PLCB1: variants seen among roughly 807,000 people sequenced by gnomAD.
PLCB1 encodes the protein phospholipase C beta 1, also known as 1-phosphatidylinositol 4,5-bisphosphate phosphodiesterase beta-1.
A neutral mutation model predicts 161.8 loss-of-function variants in PLCB1; 46 were observed. The ratio of observed to expected loss-of-function variants is 0.28; its 90% CI spans 0.22 to 0.36. PLCB1 has a LOEUF of 0.36. Among genes scored for constraint, PLCB1 ranks in the 10% least tolerant of loss-of-function variants. The probability of loss-of-function intolerance (pLI) is 1.00; values close to 1 mark genes in which losing one functional copy is unlikely to be tolerated. For missense variants in PLCB1, 1,016 were observed against 1,472.5 expected, an observed-to-expected ratio of 0.69 and a Z score of 5.07; for synonymous variants, 517 against 503.7, an observed-to-expected ratio of 1.03 and a Z score of -0.35.
intron 3 of PLCB1, among the ~76,000 whole-genome samples, chr20:8,400,458 AT>A (rs1358533186): frequency 6.6e-6 from 1 of 152,116 alleles, no homozygotes; most frequent in African/African-American, 2.4e-5. Context: ...AATTGTTTTT[AT>A]TTTTTGAAAT....
chr20:8,157,202 C>T (rs952714440), intron 2 of PLCB1, among the ~76,000 whole-genome samples: 16 of 152,178 alleles, frequency 1.1e-4, no homozygotes, highest in Admixed American at 2.0e-4. Context: ...AATAGTCCAT[C>T]ATAGGTGAAA....
intron 3 of PLCB1, among the ~76,000 whole-genome samples, chr20:8,489,464 G>A (rs73899110): frequency 0.039 from 5,993 of 152,200 alleles, 351 homozygotes; most frequent in African/African-American, 0.13. Context: ...CTGTCTTTAT[G>A]TAACTGCTCA....
chr20:8,762,839 A>G (rs1023528242), intron 25 of PLCB1, among the ~76,000 whole-genome samples: 2 of 152,234 alleles, frequency 1.3e-5, no homozygotes, highest in African/African-American at 4.8e-5. Flanking sequence ...CTCAATGTTT[A>G]TTCACTAGAC....
intron 2 of PLCB1, among the ~76,000 whole-genome samples, chr20:8,346,598 G>A (rs1336266468): frequency 6.6e-6 from 1 of 152,108 alleles, no homozygotes; most frequent in Admixed American, 6.5e-5. Flanking sequence ...GTATTTTGTT[G>A]TTACATTAAT....
At chr20:8,563,531 A>C (rs1986218186) in intron 3 of PLCB1, among the ~76,000 whole-genome samples, 1 of 152,094 alleles carries the variant, frequency 6.6e-6, no homozygotes, top group South Asian at 2.1e-4. Flanking sequence ...AGAAGCTAGA[A>C]AGTAGGTCTG....
chr20:8,583,844 G>C (rs550565795), intron 3 of PLCB1, among the ~76,000 whole-genome samples: 7 of 152,234 alleles, frequency 4.6e-5, no homozygotes, highest in African/African-American at 1.7e-4. Context: ...TGGAGCAGCG[G>C]TTTACAGCTG....
At chr20:8,254,294 A>G (rs1291673304) in intron 2 of PLCB1, among the ~76,000 whole-genome samples, 2 of 152,004 alleles carry the variant, frequency 1.3e-5, no homozygotes, top group Admixed American at 1.3e-4. Context: ...ATTGTGTACA[A>G]CATTTGCAAT....
chr20:8,618,305 TG>T (rs1377424448), intron 3 of PLCB1, among the ~76,000 whole-genome samples: 3 of 152,224 alleles, frequency 2.0e-5, no homozygotes, highest in Non-Finnish European at 4.4e-5. Context: ...ACTGCTTTTT[TG>T]TAAAATTTTT....
intron 9 of PLCB1, among the ~76,000 whole-genome samples, chr20:8,659,881 A>G (rs1266674611): frequency 6.6e-6 from 1 of 151,736 alleles, no homozygotes; most frequent in Non-Finnish European, 1.5e-5. Flanking sequence ...AGTCCCGGCT[A>G]CTCAAAAGAC....
intron 2 of PLCB1, among the ~76,000 whole-genome samples, chr20:8,349,817 T>C (rs1293419871): frequency 1.3e-5 from 2 of 151,780 alleles, no homozygotes; most frequent in African/African-American, 2.4e-5. Context: ...TATGGAGGGG[T>C]CAGAATGGTC....
At chr20:8,356,807 A>AGAGG (rs1371998120) in intron 2 of PLCB1, among the ~76,000 whole-genome samples, 8 of 152,186 alleles carry the variant, frequency 5.3e-5, no homozygotes, top group Non-Finnish European at 1.2e-4. Context: ...ATGAATTATT[A>AGAGG]GAGGGATAGC....
chr20:8,675,001 T>G (rs1042898239), intron 9 of PLCB1, among the ~76,000 whole-genome samples: 6 of 152,192 alleles, frequency 3.9e-5, no homozygotes, highest in Non-Finnish European at 8.8e-5. Flanking sequence ...TTTGATGGTA[T>G]AATTTCTATG....
intron 31 of PLCB1, among the ~76,000 whole-genome samples, chr20:8,867,667 C>G (rs1987475888): frequency 6.6e-6 from 1 of 152,148 alleles, no homozygotes; most frequent in Non-Finnish European, 1.5e-5. Flanking sequence ...AAATCAGAAG[C>G]TACAAAGTAG....
At chr20:8,471,304 C>G (rs6039170) in intron 3 of PLCB1, among the ~76,000 whole-genome samples, 1 of 152,012 alleles carries the variant, frequency 6.6e-6, no homozygotes, top group South Asian at 2.1e-4. Flanking sequence ...GTGTTCAAAG[C>G]AAGGACTGTA....
At chr20:8,374,403 T>C (rs1987004775) in intron 3 of PLCB1, among the ~76,000 whole-genome samples, 1 of 152,182 alleles carries the variant, frequency 6.6e-6, no homozygotes. Flanking sequence ...TAAACTACCA[T>C]CTTGGGAAGT....
At chr20:8,837,370 G>C (rs1286221534) in intron 31 of PLCB1, among the ~76,000 whole-genome samples, 3 of 152,130 alleles carry the variant, frequency 2.0e-5, no homozygotes, top group Non-Finnish European at 2.9e-5. Context: ...GAAAAGTTTG[G>C]AAAACTGTGA....
chr20:8,402,216 A>G (rs1171976405), intron 3 of PLCB1, among the ~76,000 whole-genome samples: 1 of 152,164 alleles, frequency 6.6e-6, no homozygotes, highest in Admixed American at 6.5e-5. Flanking sequence ...TTGTTCTCCT[A>G]AAAACCATGT....
rs1983420468 is a variant in PLCB1 at position 8,501,825 on chromosome 20, A to G, written c.247-126469A>G. On this transcript the variant is annotated intron_variant, in intron 3 of 31. Transcript: ENST00000338037. ...AAAGTGCAGGAGCAGTGTATATAGTATGCGGTATGCCACTATTTTTTTTAA... is the reference window on the plus strand; with the variant it reads ...AAAGTGCAGGAGCAGTGTATATAGTGTGCGGTATGCCACTATTTTTTTTAA... Among the ~76,000 whole-genome samples, 3 of 145,138 alleles carry G rather than the reference A, an allele frequency of 2.1e-5. No homozygotes were observed. The South Asian group carries it at 6.8e-4, about 33-fold the overall frequency.
chr20:8,286,496 T>C (rs1983129562), intron 2 of PLCB1, among the ~76,000 whole-genome samples: 1 of 152,182 alleles, frequency 6.6e-6, no homozygotes, highest in Admixed American at 6.5e-5. Flanking sequence ...AGAAGCAATA[T>C]ATACATACTC....
Sources: allele counts gnomAD v4.1 joint callset (sites outside exome capture counted in the v4.1 genomes callset), GRCh38; gene constraint gnomAD v4.1.1; transcripts MANE v1.5; gene names NCBI Gene and HGNC (gene_info 2026-07-23, HGNC 2026-07-21).